The following TMEM117 variants were observed in gnomAD, a reference collection of about 807,000 sequenced individuals.
TMEM117 encodes transmembrane protein 117.
A neutral mutation model predicts 52.4 loss-of-function variants in TMEM117; 27 were observed. The ratio of observed to expected loss-of-function variants is 0.51; its 90% CI spans 0.38 to 0.71. TMEM117 has a LOEUF of 0.71. Ranked by LOEUF, TMEM117 falls within the 30% of genes least tolerant of loss-of-function variation. The probability of loss-of-function intolerance (pLI) is 0.00; values close to 1 mark genes in which losing one functional copy is unlikely to be tolerated. For missense variants in TMEM117, 556 were observed against 630.5 expected, an observed-to-expected ratio of 0.88 and a Z score of 1.26; for synonymous variants, 215 against 206.3, an observed-to-expected ratio of 1.04 and a Z score of -0.36.
intron 7 of TMEM117, among the ~76,000 whole-genome samples, chr12:44,385,950 TC>T (rs1255069245): frequency 6.6e-6 from 1 of 152,162 alleles, no homozygotes; most frequent in Non-Finnish European, 1.5e-5. Context: ...TGCTGTTCTA[TC>T]TACAACATAC....
At chr12:44,152,648 TATA>T (rs1337253339) in intron 4 of TMEM117, among the ~76,000 whole-genome samples, 4 of 130,248 alleles carry the variant, frequency 3.1e-5, no homozygotes, top group African/African-American at 5.8e-5. Flanking sequence ...AATTTTTATA[TATA>T]ATATTTATAT....
At chr12:43,967,543 A>C (rs1945506310) in intron 3 of TMEM117, among the ~76,000 whole-genome samples, 1 of 152,006 alleles carries the variant, frequency 6.6e-6, no homozygotes, top group African/African-American at 2.4e-5. Flanking sequence ...TCCTATGGAG[A>C]GGCTTATGTG....
At chr12:43,948,497 G>GAT (rs1443372809) in intron 3 of TMEM117, among the ~76,000 whole-genome samples, 1 of 151,832 alleles carries the variant, frequency 6.6e-6, no homozygotes, top group Non-Finnish European at 1.5e-5. Flanking sequence ...AATAGAGACG[G>GAT]GGTTTCACCG....
At chr12:43,937,834 T>C (rs574630752) in intron 2 of TMEM117, among the ~76,000 whole-genome samples, 1 of 152,298 alleles carries the variant, frequency 6.6e-6, no homozygotes, top group East Asian at 1.9e-4. Context: ...ATCTGGTCTC[T>C]ACTGTGCTAC....
intron 2 of TMEM117, among the ~76,000 whole-genome samples, chr12:43,898,032 ACACACACACACGCACG>A (rs1458107352): frequency 1.4e-4 from 2 of 13,832 alleles, no homozygotes; most frequent in Non-Finnish European, 1.0e-3. Context: ...ACATGCGCAC[ACACACACACACGCACG>A]CACACACACA....
At chr12:44,078,786 T>C (rs1048838588) in intron 3 of TMEM117, among the ~76,000 whole-genome samples, 3 of 152,084 alleles carry the variant, frequency 2.0e-5, no homozygotes, top group African/African-American at 7.2e-5. Context: ...GGTATACACA[T>C]GCCATGGTGG....
At chr12:44,256,263 A>G (rs1950259505) in intron 5 of TMEM117, among the ~76,000 whole-genome samples, 1 of 151,994 alleles carries the variant, frequency 6.6e-6, no homozygotes, top group African/African-American at 2.4e-5. Context: ...CAATGTATGT[A>G]TGTTGAAAGG....
intron 6 of TMEM117, among the ~76,000 whole-genome samples, chr12:44,334,687 T>C (rs752849391): frequency 6.6e-6 from 1 of 152,016 alleles, no homozygotes; most frequent in Non-Finnish European, 1.5e-5. Context: ...TGCAACTCTT[T>C]ACTTAACGCC....
intron 5 of TMEM117, among the ~76,000 whole-genome samples, chr12:44,216,005 C>CTTTTTTTTTTTTTTTTTTTTTT (rs778425747): frequency 4.5e-5 from 5 of 110,836 alleles, no homozygotes; most frequent in African/African-American, 7.7e-5. Flanking sequence ...TTCTTTCTTT[C>CTTTTTTTTTTTTTTTTTTTTTT]TTTTTTTTTT....
chr12:44,364,491 A>T (rs1951764128), intron 6 of TMEM117, among the ~76,000 whole-genome samples: 1 of 152,122 alleles, frequency 6.6e-6, no homozygotes, highest in East Asian at 1.9e-4. Context: ...AACATTACAG[A>T]TTAGTTTTTA....
chr12:44,041,733 C>T (rs1188073523), intron 3 of TMEM117, among the ~76,000 whole-genome samples: 1 of 152,122 alleles, frequency 6.6e-6, no homozygotes, highest in African/African-American at 2.4e-5. Context: ...AAAATATTAG[C>T]AAATCGAGTC....
At chr12:43,823,432 T>C in the TMEM117 span, among the ~76,000 whole-genome samples, 1 of 152,196 alleles carries the variant, frequency 6.6e-6, no homozygotes, top group South Asian at 2.1e-4. Context: ...AAAGGATAAC[T>C]ACATTTTTTG....
chr12:44,359,104 GTAAA>G (rs1175834458), intron 6 of TMEM117, among the ~76,000 whole-genome samples: 1 of 151,610 alleles, frequency 6.6e-6, no homozygotes, highest in Non-Finnish European at 1.5e-5. Context: ...CCAACCAAAA[GTAAA>G]TAAAAGCAAG....
chr12:44,079,582 TAA>T (rs1394498972), intron 3 of TMEM117, among the ~76,000 whole-genome samples: 3 of 152,188 alleles, frequency 2.0e-5, no homozygotes, highest in African/African-American at 7.2e-5. Flanking sequence ...CTTGTAAATT[TAA>T]GTTACATTTC....
intron 3 of TMEM117, among the ~76,000 whole-genome samples, chr12:44,094,655 A>G (rs1565824836): frequency 6.6e-6 from 1 of 152,076 alleles, no homozygotes; most frequent in Non-Finnish European, 1.5e-5. Flanking sequence ...AATTCTTCCC[A>G]TTTCTAGTAT....
At chr12:43,998,190 G>T (rs78521444) in intron 3 of TMEM117, among the ~76,000 whole-genome samples, 1 of 152,196 alleles carries the variant, frequency 6.6e-6, no homozygotes, top group African/African-American at 2.4e-5. Flanking sequence ...GGTTCTGCCT[G>T]CAAGCACAGG....
chr12:44,324,966 G>A (rs923143157), intron 6 of TMEM117, among the ~76,000 whole-genome samples: 3 of 152,122 alleles, frequency 2.0e-5, no homozygotes, highest in Non-Finnish European at 4.4e-5. Context: ...CTTATAATAA[G>A]CTAAGCCAAA....
chr12:44,241,788 T>G (rs141394517), intron 5 of TMEM117, among the ~76,000 whole-genome samples: 92 of 152,146 alleles, frequency 6.0e-4, no homozygotes, highest in African/African-American at 2.2e-3. Context: ...GATATATCAT[T>G]GGCATTATAT....
intron 4 of TMEM117, 84 bp from the exon 5 acceptor site, chr12:44,211,206 A>T: frequency 6.6e-6 from 6 of 908,204 alleles, no homozygotes; most frequent in Non-Finnish European, 1.1e-5. Context: ...TTCTGTTCTC[A>T]ATAGAATGTA....
Sources: gnomAD v4.1 joint callset for allele counts (sites outside exome capture counted in the v4.1 genomes callset) on GRCh38, gnomAD v4.1.1 for gene constraint, MANE v1.5 for transcripts, NCBI Gene and HGNC (gene_info 2026-07-23, HGNC 2026-07-21) for gene names.